Variants in MCOLN3 observed in about 807,000 individuals in gnomAD.
MCOLN3 encodes mucolipin-3.
MCOLN3 carries 62 observed loss-of-function variants against 69.4 expected under a neutral mutation model. The ratio of observed to expected loss-of-function variants is 0.89; its 90% CI spans 0.73 to 1.10. The LOEUF (loss-of-function observed/expected upper bound fraction) is 1.10. MCOLN3 is among the 50% of genes least tolerant of loss of function. MCOLN3 has a pLI of 0.00. For missense variants in MCOLN3, 564 were observed against 656.4 expected (o/e 0.86, Z 1.54); for synonymous variants, 183 against 217.0 (o/e 0.84, Z 1.38).
intron 6 of MCOLN3, among the ~76,000 whole-genome samples, chr1:85,032,438 G>A (rs879851491): frequency 3.3e-5 from 5 of 152,094 alleles, no homozygotes; most frequent in African/African-American, 4.8e-5. Flanking sequence ...GGCACTGTTC[G>A]TGGTACTGGA....
chr1:85,034,053 T>C, intron 4 of MCOLN3, 45 bp downstream of exon 4: 1 of 1,579,704 alleles, frequency 6.3e-7, no homozygotes, highest in Non-Finnish European at 8.7e-7. Flanking sequence ...TAAATATAAA[T>C]TGAGGTGTTA....
At chr1:85,044,286 A>C (rs1336809361) in intron 2 of MCOLN3, among the ~76,000 whole-genome samples, 1 of 152,246 alleles carries the variant, frequency 6.6e-6, no homozygotes, top group East Asian at 1.9e-4. Flanking sequence ...GTTCTCAATA[A>C]GCAGTTAAAA....
intron 4 of MCOLN3, among the ~76,000 whole-genome samples, chr1:85,033,464 G>GA (rs548136720): frequency 3.7e-4 from 56 of 150,554 alleles, no homozygotes; most frequent in Non-Finnish European, 5.8e-4. Flanking sequence ...ATTATCTCTA[G>GA]AAAAAAAAAT....
intron 3 of MCOLN3, among the ~76,000 whole-genome samples, chr1:85,039,666 A>G (rs1652964633): frequency 6.6e-6 from 1 of 152,204 alleles, no homozygotes. Flanking sequence ...AGGTCTACGA[A>G]TAAAGGTTAA....
chr1:85,022,460 T>G (rs776199627), intron 9 of MCOLN3, 60 bp from the exon 10 acceptor site: 34 of 1,246,892 alleles, frequency 2.7e-5, no homozygotes, highest in Non-Finnish European at 3.7e-5. Context: ...TGGCAATAAA[T>G]ATTGAGGTAA....
chr1:85,034,006 A>G (rs1652675434), intron 4 of MCOLN3, 92 bp downstream of exon 4: 1 of 1,365,030 alleles, frequency 7.3e-7, no homozygotes, highest in East Asian at 2.4e-5. Flanking sequence ...AATATCACAG[A>G]CCAAATCAAT....
At chr1:85,020,407 C>T (rs1651868138) in intron 12 of MCOLN3, among the ~76,000 whole-genome samples, 1 of 152,214 alleles carries the variant, frequency 6.6e-6, no homozygotes, top group Non-Finnish European at 1.5e-5. Flanking sequence ...GCCACAAATA[C>T]ACCTAACAGT....
chr1:85,045,700 G>A (rs1204611371), intron 1 of MCOLN3, among the ~76,000 whole-genome samples: 1 of 152,188 alleles, frequency 6.6e-6, no homozygotes, highest in Non-Finnish European at 1.5e-5. Flanking sequence ...GAGACCTGAG[G>A]ACCTGGGGGA....
intron 6 of MCOLN3, chr1:85,030,010 A>G (rs1307206968): frequency 6.6e-6 from 1 of 152,250 alleles, no homozygotes; most frequent in Non-Finnish European, 1.5e-5. Context: ...CACTTCAAAT[A>G]TAAGATTTCA....
In MCOLN3 at chr1:85,022,389, A is replaced by C. The variant is rs151077915; in HGVS notation, c.1107T>G (p.Ser369Arg). The change falls in exon 10 of 13, where the codon AGT becomes AGG. Residue 369 changes from serine (S) to arginine (R), a missense_variant. Ser to Arg is a moderately radical substitution (Grantham distance 110). Coordinates refer to ENST00000370589, the MANE Select transcript of MCOLN3 (RefSeq NM_018298.11). Reference protein sequence around the residue: ...KMEIQAKSLTSYDVCSILLGT... With the variant: ...KMEIQAKSLTRYDVCSILLGT... ...CAAGAAGTATGCTACAGACATCATA[A>C]CTAGTTAGACTCTAAGAGAGAGTGG... 6 of 1,600,708 alleles carry C rather than the reference A, an allele frequency of 3.7e-6. No individual in the cohort carries two copies. The highest frequency in any genetic ancestry group is 5.1e-6 in the Non-Finnish European group (6 of 1,169,296).
intron 3 of MCOLN3, 80 bp from the exon 4 acceptor site, chr1:85,034,331 T>A (rs1267288807): frequency 2.7e-6 from 4 of 1,454,974 alleles, no homozygotes; most frequent in Non-Finnish European, 3.8e-6. Flanking sequence ...CCTCCCCACC[T>A]CTGATCCTGG....
chr1:85,022,075 C>CTG lies in MCOLN3; in HGVS notation c.1314_1315insCA (p.Asp439GlnfsTer7). 6.2e-7 allele frequency: 1 copy of CTG among 1,613,630 alleles called. No homozygotes were observed. Among genetic ancestry groups the CTG allele is most frequent in the South Asian group, 1.1e-5 (1 of 91,026 alleles). On this transcript the variant is annotated frameshift_variant, in exon 11 of 13. Coordinates refer to ENST00000370589, the MANE Select transcript of MCOLN3 (RefSeq NM_018298.11). LOFTEE classifies it high-confidence loss of function. ...AAAAAGTTGTTTATCAGTACCTTGT[C>CTG]ATGGTAAGGCCCCAGCACGATCCAT...
rs1238997246 is a variant in MCOLN3 at position 85,022,139 on chromosome 1, G to A, written c.1251C>T (p.Cys417=). 4 of 1,614,180 alleles carry A rather than the reference G, an allele frequency of 2.5e-6. No individual in the cohort carries two copies. The change falls in exon 11 of 13, where the codon TGC becomes TGT. Residue 417 remains cysteine (C), a synonymous_variant. Transcript: ENST00000370589. The stretch of plus-strand genomic sequence containing the variant: ...AACCTAAGTAAATCATAGCTGCACA[G>A]CAGCAGAACCTGATGACATTGGGCA... ...AALPNVIRFC[C]CAAMIYLGYC... is the part of the protein sequence containing the mutation.
chr1:85,019,853 T>C (rs1651837329), intron 12 of MCOLN3, among the ~76,000 whole-genome samples: 2 of 152,222 alleles, frequency 1.3e-5, no homozygotes, highest in Non-Finnish European at 2.9e-5. Context: ...CCAGGCAAGT[T>C]TGTTTAAGGG....
At chr1:85,045,010 C>A in intron 2 of MCOLN3, 123 bp downstream of exon 2, 1 of 679,028 alleles carries the variant, frequency 1.5e-6, no homozygotes, top group Non-Finnish European at 2.4e-6. Context: ...TGTATGTTTT[C>A]TTATCTGTTA....
At chr1:85,033,600 G>C (rs559904418) in intron 4 of MCOLN3, among the ~76,000 whole-genome samples, 2 of 152,244 alleles carry the variant, frequency 1.3e-5, no homozygotes, top group African/African-American at 4.8e-5. Flanking sequence ...TCCATGTTCT[G>C]ATTTTCATTC....
intron 7 of MCOLN3, among the ~76,000 whole-genome samples, chr1:85,026,989 A>G (rs1350755572): frequency 6.6e-6 from 1 of 152,002 alleles, no homozygotes; most frequent in Non-Finnish European, 1.5e-5. Flanking sequence ...CCTGGTCTCA[A>G]GTGATCCTCT....
intron 2 of MCOLN3, among the ~76,000 whole-genome samples, chr1:85,042,596 G>C (rs544234299): frequency 3.3e-5 from 5 of 152,304 alleles, no homozygotes; most frequent in Admixed American, 2.6e-4. Context: ...CAGTGAGCTA[G>C]GGACTGAGGA....
At chr1:85,030,835 G>A (rs1350258765) in intron 6 of MCOLN3, among the ~76,000 whole-genome samples, 2 of 151,954 alleles carry the variant, frequency 1.3e-5, no homozygotes. Context: ...AAGTGCTAAA[G>A]AAAAAAACAG....
Sources: allele counts gnomAD v4.1 joint callset (sites outside exome capture counted in the v4.1 genomes callset), GRCh38; gene constraint gnomAD v4.1.1; transcripts MANE v1.5; gene names NCBI Gene and HGNC (gene_info 2026-07-23, HGNC 2026-07-21).